The following IL1R1 variants were observed in gnomAD, a reference collection of about 807,000 sequenced individuals.
IL1R1 encodes the protein interleukin 1 receptor type 1, also known as interleukin-1 receptor type 1.
In IL1R1, 22 loss-of-function variants were observed where a neutral mutation model predicts 50.2. The observed-to-expected ratio is 0.44, with a 90% CI of 0.31 to 0.63. IL1R1 has a LOEUF of 0.63. Ranked by LOEUF, IL1R1 falls within the 20% of genes least tolerant of loss-of-function variation. IL1R1 has a pLI of 0.07. For missense variants in IL1R1, 509 were observed against 676.2 expected (o/e 0.75, Z 2.74); for synonymous variants, 251 against 236.7 (o/e 1.06, Z -0.55).
intron 7 of IL1R1, 47 bp downstream of exon 7, chr2:102,168,710 T>A (rs201547297): frequency 2.2e-4 from 272 of 1,240,052 alleles, no homozygotes; most frequent in Non-Finnish European, 2.8e-4. Context: ...TTTTTTTTTT[T>A]AAAACATAAG....
At chr2:102,089,014 A>G (rs577980174) in intron 1 of IL1R1, among the ~76,000 whole-genome samples, 30 of 152,160 alleles carry the variant, frequency 2.0e-4, no homozygotes, top group Non-Finnish European at 2.6e-4. Context: ...TCTATTATTG[A>G]CACTACTGAA....
intron 2 of IL1R1, among the ~76,000 whole-genome samples, chr2:102,155,890 G>A (rs1190507557): frequency 6.6e-6 from 1 of 152,134 alleles, no homozygotes; most frequent in African/African-American, 2.4e-5. Flanking sequence ...ATTAAACATT[G>A]TCCACAATTA....
At chr2:102,155,260 A>G (rs1181084057) in intron 2 of IL1R1, among the ~76,000 whole-genome samples, 1 of 152,230 alleles carries the variant, frequency 6.6e-6, no homozygotes, top group African/African-American at 2.4e-5. Context: ...GCATGTGGCC[A>G]TTCATTTCAC....
At chr2:102,115,645 G>T (rs1341329944) in intron 1 of IL1R1, among the ~76,000 whole-genome samples, 1 of 152,164 alleles carries the variant, frequency 6.6e-6, no homozygotes, top group African/African-American at 2.4e-5. Context: ...CCTGGTCGGA[G>T]GGATGGGAAA....
intron 1 of IL1R1, 106 bp from the exon 2 acceptor site, chr2:102,153,835 T>TA (rs1683918689): frequency 6.6e-6 from 1 of 152,384 alleles, no homozygotes; most frequent in Non-Finnish European, 1.5e-5. Context: ...TATTTCTTTA[T>TA]AGCAGCGTGA....
chr2:102,119,192 G>T (rs1325868220), intron 1 of IL1R1, among the ~76,000 whole-genome samples: 2 of 152,168 alleles, frequency 1.3e-5, no homozygotes, highest in Non-Finnish European at 2.9e-5. Context: ...GCTGACGTTA[G>T]GTGGTAACTT....
At chr2:102,097,101 G>A (rs140406848) in intron 1 of IL1R1, among the ~76,000 whole-genome samples, 3 of 152,282 alleles carry the variant, frequency 2.0e-5, no homozygotes, top group African/African-American at 7.2e-5. Flanking sequence ...TCTCACAGTT[G>A]TTAAGTCTAA....
rs754702656 is a variant in IL1R1, at chr2:102,171,901, A to G, written c.822A>G (p.Leu274=). 16 of 1,582,156 alleles carry G rather than the reference A, an allele frequency of 1.0e-5. No individual in the cohort carries two copies. In the Admixed American group the frequency reaches 1.7e-4, roughly 17 times the overall value. The change falls in exon 8 of 12, where the codon CTA becomes CTG. Residue 274 remains leucine (L), a synonymous_variant. Transcript: ENST00000410023. ...TAATTGATGAAGATGACCCAGTGCTAGGGGAAGACTATTACAGGTATGTAT... is the reference window on the plus strand; with the variant it reads ...TAATTGATGAAGATGACCCAGTGCTGGGGGAAGACTATTACAGGTATGTAT... ...GSVIDEDDPV[L]GEDYYSVENP...
At chr2:102,129,899 A>G (rs573378309) in intron 1 of IL1R1, among the ~76,000 whole-genome samples, 1 of 152,380 alleles carries the variant, frequency 6.6e-6, no homozygotes, top group African/African-American at 2.4e-5. Flanking sequence ...CACATTAGAC[A>G]TGAAAACTGA....
chr2:102,091,499 A>G (rs1679665498), intron 1 of IL1R1, among the ~76,000 whole-genome samples: 1 of 152,216 alleles, frequency 6.6e-6, no homozygotes. Flanking sequence ...TCTGAAAATT[A>G]TACATACTAT....
intron 1 of IL1R1, among the ~76,000 whole-genome samples, chr2:102,119,533 G>A (rs1388856655): frequency 6.6e-6 from 1 of 152,220 alleles, no homozygotes; most frequent in Non-Finnish European, 1.5e-5. Flanking sequence ...TTGGTGCTCA[G>A]TGGCTTTCTC....
intron 3 of IL1R1, 83 bp downstream of exon 3, chr2:102,157,868 C>T: frequency 1.1e-6 from 1 of 878,468 alleles, no homozygotes; most frequent in Non-Finnish European, 1.9e-6. Context: ...CTAACAGAGT[C>T]ATTTCTCATA....
At chr2:102,130,839 T>C (rs578195269) in intron 1 of IL1R1, among the ~76,000 whole-genome samples, 2 of 152,216 alleles carry the variant, frequency 1.3e-5, no homozygotes, top group African/African-American at 4.8e-5. Context: ...TACTTTCTCA[T>C]AAGAAACAAC....
At chr2:102,129,760 G>A (rs1224171151) in intron 1 of IL1R1, among the ~76,000 whole-genome samples, 2 of 152,186 alleles carry the variant, frequency 1.3e-5, no homozygotes, top group African/African-American at 4.8e-5. Context: ...AGTGGTCTCA[G>A]AGGGCTGCAG....
chr2:102,098,387 G>T (rs2104330397), intron 1 of IL1R1, among the ~76,000 whole-genome samples: 1 of 152,230 alleles, frequency 6.6e-6, no homozygotes, highest in Admixed American at 6.5e-5. Context: ...TGCTGGAGTT[G>T]CTGGCCAATG....
chr2:102,164,344 T>C (rs373839524), intron 3 of IL1R1, among the ~76,000 whole-genome samples: 93 of 152,336 alleles, frequency 6.1e-4, no homozygotes, highest in African/African-American at 2.0e-3. Context: ...ACCTCCTTTC[T>C]TCTCCGTCTT....
chr2:102,097,171 G>T (rs947660438), intron 1 of IL1R1, among the ~76,000 whole-genome samples: 4 of 152,024 alleles, frequency 2.6e-5, no homozygotes, highest in Non-Finnish European at 4.4e-5. Flanking sequence ...CGGGGATCGG[G>T]GCTGCTTCCT....
chr2:102,078,600 A>ACAC (rs57113618), intron 1 of IL1R1, among the ~76,000 whole-genome samples: 3 of 146,584 alleles, frequency 2.0e-5, no homozygotes, highest in South Asian at 2.2e-4. Flanking sequence ...ACACACACAC[A>ACAC]AGAAAAAAAA....
chr2:102,129,804 C>T (rs181909530), intron 1 of IL1R1, among the ~76,000 whole-genome samples: 2 of 152,256 alleles, frequency 1.3e-5, no homozygotes, highest in East Asian at 1.9e-4. Flanking sequence ...CTTGAACTTT[C>T]GGTCTAAAGA....
Sources: allele counts gnomAD v4.1 joint callset (sites outside exome capture counted in the v4.1 genomes callset), GRCh38; gene constraint gnomAD v4.1.1; transcripts MANE v1.5; gene names NCBI Gene and HGNC (gene_info 2026-07-23, HGNC 2026-07-21).